The following SLC15A5 variants were observed in gnomAD, a reference collection of about 807,000 sequenced individuals.
The protein encoded by SLC15A5 is solute carrier family 15 member 5.
Under a neutral mutation model 56.1 loss-of-function variants are expected in SLC15A5, and 58 were observed. The observed-to-expected ratio is 1.03, with a 90% CI of 0.84 to 1.29. The LOEUF is 1.29. Ranked by LOEUF, SLC15A5 falls within the 50% of genes most tolerant of loss-of-function variation. The pLI is 0.00. For synonymous variants in SLC15A5, 264 were observed against 250.5 expected (o/e 1.05, Z -0.51); for missense variants, 681 against 672.1 (o/e 1.01, Z -0.15).
chr12:16,248,812 G>T (rs1864490169), intron 3 of SLC15A5, among the ~76,000 whole-genome samples: 1 of 152,056 alleles, frequency 6.6e-6, no homozygotes, highest in Non-Finnish European at 1.5e-5. Context: ...ACCAGGAGCA[G>T]AAATGGGAAG....
chr12:16,216,939 A>G lies in SLC15A5; in HGVS notation c.1437T>C (p.Cys479=), dbSNP rs1210127390. The part of the protein sequence containing the change: ...NFLTLFNGFG[C]FTGALLVKLV... ...ACTTCACCAGCAGTGCCCCTGTGAA[A>G]CAGCCAAATCCATTGAACAGTGTCA... is the stretch of plus-strand genomic sequence containing the variant. The change falls in exon 7 of 9, where the codon TGT becomes TGC. Residue 479 remains cysteine (C), a synonymous_variant. Transcript: ENST00000344941. The G allele has an allele frequency of 2.6e-6, 4 of 1,536,816 alleles. No individual in the cohort carries two copies. The African/African-American group carries it at 5.5e-5, about 21-fold the overall frequency.
intron 7 of SLC15A5, among the ~76,000 whole-genome samples, chr12:16,198,632 C>A (rs2136239001): frequency 6.6e-6 from 1 of 152,200 alleles, no homozygotes; most frequent in African/African-American, 2.4e-5. Flanking sequence ...GGATTTCAGT[C>A]TTTGAAATCA....
chr12:16,210,849 G>C (rs574479599), intron 7 of SLC15A5, among the ~76,000 whole-genome samples: 1 of 152,304 alleles, frequency 6.6e-6, no homozygotes, highest in African/African-American at 2.4e-5. Context: ...AAAGTCCTCT[G>C]TGCAGCATCA....
chr12:16,229,938 G>GT (rs1565664621), intron 5 of SLC15A5, among the ~76,000 whole-genome samples: 1 of 152,130 alleles, frequency 6.6e-6, no homozygotes, highest in African/African-American at 2.4e-5. Context: ...TGCTTAAGAA[G>GT]TTAGCAGGAT....
intron 1 of SLC15A5, among the ~76,000 whole-genome samples, chr12:16,276,152 G>A (rs1196661870): frequency 6.6e-6 from 1 of 151,996 alleles, no homozygotes; most frequent in Non-Finnish European, 1.5e-5. Context: ...TGAATGTTGA[G>A]TGATTATTTG....
intron 3 of SLC15A5, among the ~76,000 whole-genome samples, chr12:16,253,795 T>A (rs754059817): frequency 2.0e-5 from 3 of 152,084 alleles, no homozygotes; most frequent in Non-Finnish European, 4.4e-5. Context: ...GACGAGGATG[T>A]GGAGAAATTG....
chr12:16,258,483 C>G (rs1398357273), intron 2 of SLC15A5, among the ~76,000 whole-genome samples: 1 of 152,160 alleles, frequency 6.6e-6, no homozygotes, highest in Non-Finnish European at 1.5e-5. Flanking sequence ...TCATCTCTAC[C>G]TCTCAACCTT....
In SLC15A5 at chr12:16,235,454, T is replaced by G. The variant is rs1591650789; in HGVS notation, c.1162+4227A>C. ...GAACAGGTAGTCATTTACATAGAGA[T>G]AAAATATGCAAATGTATCTCTATAA... On this transcript the variant is annotated intron_variant, in intron 5 of 8. Transcript: ENST00000344941. The surrounding 1 kb of genome is among the most constrained non-coding windows in gnomAD (Gnocchi z 4.1). Among the ~76,000 whole-genome samples the G allele has an allele frequency of 6.6e-6, 1 of 152,094 alleles. No individual in the cohort carries two copies. The highest frequency in any genetic ancestry group is 1.9e-4 in the East Asian group (1 of 5,170).
chr12:16,261,202 T>TGTGA (rs763607104), intron 2 of SLC15A5, among the ~76,000 whole-genome samples: 173 of 152,330 alleles, frequency 1.1e-3, no homozygotes, highest in Non-Finnish European at 2.0e-3. Flanking sequence ...CTTCTAAAGC[T>TGTGA]CAGTCACATC....
intron 6 of SLC15A5, among the ~76,000 whole-genome samples, chr12:16,220,905 A>C (rs1040709548): frequency 6.6e-6 from 1 of 152,176 alleles, no homozygotes; most frequent in Non-Finnish European, 1.5e-5. Flanking sequence ...TTGAATAAAC[A>C]AACATAGGGT....
intron 3 of SLC15A5, among the ~76,000 whole-genome samples, chr12:16,248,996 A>T (rs1864492486): frequency 6.6e-6 from 1 of 152,066 alleles, no homozygotes; most frequent in Admixed American, 6.6e-5. Flanking sequence ...AAACTTTTAG[A>T]AAGCAGTTTT....
chr12:16,223,645 T>TA (rs1864210357), intron 6 of SLC15A5, among the ~76,000 whole-genome samples: 1 of 152,192 alleles, frequency 6.6e-6, no homozygotes, highest in Admixed American at 6.5e-5. Context: ...AAAATTGGCT[T>TA]AAATTTTCAT....
At chr12:16,232,808 C>T (rs985358406) in intron 5 of SLC15A5, among the ~76,000 whole-genome samples, 4 of 152,060 alleles carry the variant, frequency 2.6e-5, no homozygotes, top group South Asian at 2.1e-4. Context: ...CCCAGCTACT[C>T]GGGAGGCTGA....
Position 16,271,880 on chromosome 12 carries a change from T to C in SLC15A5, c.584+681A>G, listed in dbSNP as rs1334525539. On this transcript the variant is annotated intron_variant, in intron 2 of 8. Coordinates refer to ENST00000344941, the MANE Select transcript of SLC15A5 (RefSeq NM_001170798.1). This position sits in a 1 kb window ranked among gnomAD's most constrained non-coding sequence, Gnocchi z 8.0. ...AAGAACTCGTTGGGAGAGACAAAGATTCACAGGAAGGCTGTTTGATTTTCA... is the reference window on the plus strand; with the variant it reads ...AAGAACTCGTTGGGAGAGACAAAGACTCACAGGAAGGCTGTTTGATTTTCA... Among the ~76,000 whole-genome samples the C allele has an allele frequency of 6.6e-6, 1 of 152,182 alleles. No homozygotes were observed. Among genetic ancestry groups the C allele is most frequent in the East Asian group, 1.9e-4 (1 of 5,192 alleles).
chr12:16,243,642 T>C lies in SLC15A5; in HGVS notation c.975+938A>G, dbSNP rs1864434745. The stretch of plus-strand genomic sequence containing the variant: ...TGGACTGGATTTGGCCTTCAGATAG[T>C]GGATGGCTAACCCCTGGTTTAGAGG... On this transcript the variant is annotated intron_variant, in intron 4 of 8. Coordinates refer to ENST00000344941, the MANE Select transcript of SLC15A5 (RefSeq NM_001170798.1). This position sits in a 1 kb window ranked among gnomAD's most constrained non-coding sequence, Gnocchi z 4.4. 6.6e-6 allele frequency among the ~76,000 whole-genome samples: 1 copy of C among 152,152 alleles called. No individual in the cohort carries two copies. Among genetic ancestry groups the C allele is most frequent in the African/African-American group, 2.4e-5 (1 of 41,434 alleles).
intron 3 of SLC15A5, among the ~76,000 whole-genome samples, chr12:16,257,168 T>A (rs1473451333): frequency 1.3e-5 from 2 of 152,114 alleles, no homozygotes; most frequent in African/African-American, 4.8e-5. Context: ...ATTGTGGTTA[T>A]GTTTTTCAAA....
intron 8 of SLC15A5, among the ~76,000 whole-genome samples, chr12:16,192,820 T>C (rs1226646387): frequency 1.3e-5 from 2 of 152,206 alleles, no homozygotes; most frequent in African/African-American, 4.8e-5. Flanking sequence ...ATAATTACAA[T>C]TGCTAACACT....
intron 8 of SLC15A5, among the ~76,000 whole-genome samples, chr12:16,193,867 G>GGATGGTAGCTGGTACATAA (rs1219952589): frequency 2.1e-5 from 3 of 144,716 alleles, no homozygotes; most frequent in African/African-American, 7.7e-5. Flanking sequence ...ATGGGTGGAT[G>GGATGGTAGCTGGTACATAA]GATGGTAGCT....
chr12:16,228,862 C>T (rs1250407359), intron 5 of SLC15A5, among the ~76,000 whole-genome samples: 1 of 152,110 alleles, frequency 6.6e-6, no homozygotes, highest in Non-Finnish European at 1.5e-5. Context: ...ATTAATATTG[C>T]TTTCCATCAA....
Sources: gnomAD v4.1 joint callset for allele counts (sites outside exome capture counted in the v4.1 genomes callset) on GRCh38, gnomAD v4.1.1 for gene constraint, Gnocchi (gnomAD v3.1) non-coding constraint, MANE v1.5 for transcripts, NCBI Gene and HGNC (gene_info 2026-07-23, HGNC 2026-07-21) for gene names.